Variants in IL1RAPL1 observed in about 807,000 individuals in gnomAD.
The protein encoded by IL1RAPL1 is interleukin-1 receptor accessory protein-like 1.
Under a neutral mutation model 48.4 loss-of-function variants are expected in IL1RAPL1, and 3 were observed. That is an observed-to-expected ratio of 0.06 (90% confidence interval 0.03 to 0.16). IL1RAPL1 has a LOEUF of 0.16. IL1RAPL1 is among the 10% of genes least tolerant of loss of function. The probability of loss-of-function intolerance (pLI) is 1.00; values close to 1 mark genes in which losing one functional copy is unlikely to be tolerated. For synonymous variants in IL1RAPL1, 185 were observed against 187.7 expected (o/e 0.99, Z 0.12); for missense variants, 349 against 530.6 (o/e 0.66, Z 3.36).
chrX:28,931,689 A>C (rs1360036801), intron 2 of IL1RAPL1, among the ~76,000 whole-genome samples: 1 of 111,892 alleles, frequency 8.9e-6, no homozygotes, highest in Non-Finnish European at 1.9e-5. Context: ...TTTATTGCCT[A>C]TAAAAATAAA....
intron 5 of IL1RAPL1, among the ~76,000 whole-genome samples, chrX:29,401,839 C>G (rs1215768783): frequency 9.0e-6 from 1 of 111,082 alleles, no homozygotes; most frequent in Non-Finnish European, 1.9e-5. Context: ...TTCAACAAAA[C>G]AGATCACAGT....
chrX:29,085,198 A>G (rs1377116352), intron 2 of IL1RAPL1, among the ~76,000 whole-genome samples: 1 of 111,476 alleles, frequency 9.0e-6, no homozygotes, highest in Non-Finnish European at 1.9e-5. Context: ...TATTCTAGAG[A>G]ATTTGGAGGA....
At chrX:29,420,702 T>G (rs1258677921) in intron 5 of IL1RAPL1, among the ~76,000 whole-genome samples, 1 of 112,775 alleles carries the variant, frequency 8.9e-6, no homozygotes, top group African/African-American at 3.2e-5. Context: ...TTTGAAATGT[T>G]TAATAAGCAA....
intron 6 of IL1RAPL1, among the ~76,000 whole-genome samples, chrX:29,770,775 T>C (rs191929581): frequency 1.5e-3 from 168 of 112,593 alleles, no homozygotes; most frequent in African/African-American, 5.1e-3. Flanking sequence ...TCACATGCTA[T>C]AGTAATTTTT....
chrX:29,329,694 A>G (rs1381326145), intron 3 of IL1RAPL1, among the ~76,000 whole-genome samples: 1 of 108,965 alleles, frequency 9.2e-6, no homozygotes, highest in Admixed American at 9.9e-5. Context: ...ACGCCTGTAG[A>G]CCCAGATACT....
intron 6 of IL1RAPL1, among the ~76,000 whole-genome samples, chrX:29,785,305 T>G (rs907790080): frequency 4.4e-5 from 5 of 112,377 alleles, no homozygotes; most frequent in Non-Finnish European, 9.4e-5. Flanking sequence ...GAAAAACTAT[T>G]ATACACATGT....
At chrX:28,710,844 T>C (rs1935432594) in intron 1 of IL1RAPL1, among the ~76,000 whole-genome samples, 1 of 112,210 alleles carries the variant, frequency 8.9e-6, no homozygotes, top group African/African-American at 3.2e-5. Context: ...GTACCACACA[T>C]CTAAATTTGG....
At position 29,878,205 on chromosome X, in the gene IL1RAPL1, A is replaced by G. The variant is rs145263886; in HGVS notation, c.779-39259A>G. On this transcript the variant is annotated intron_variant, in intron 6 of 10. Transcript: ENST00000378993. ...AGAGGTCTCAGGGATGCCCTGTCTT[A>G]TAAAGAGCTCTGCACAAACTTAAGC... Among the ~76,000 whole-genome samples, 281 of 111,449 alleles carry G rather than the reference A, an allele frequency of 2.5e-3. 2 individuals are homozygous for G. The highest frequency in any genetic ancestry group is 8.7e-3 in the African/African-American group (266 of 30,717).
chrX:29,001,267 A>C (rs1418400398), intron 2 of IL1RAPL1, among the ~76,000 whole-genome samples: 1 of 112,104 alleles, frequency 8.9e-6, no homozygotes, highest in East Asian at 2.8e-4. Flanking sequence ...TCTGATACAA[A>C]AGACACCCTC....
At chrX:29,582,424 G>C (rs12689519) in intron 5 of IL1RAPL1, among the ~76,000 whole-genome samples, 3 of 86,726 alleles carry the variant, frequency 3.5e-5, no homozygotes, top group Non-Finnish European at 6.6e-5. Flanking sequence ...TTAAGTTTTA[G>C]GGTACATGTG....
intron 2 of IL1RAPL1, among the ~76,000 whole-genome samples, chrX:28,792,516 G>A (rs1182056930): frequency 1.1e-5 from 1 of 93,305 alleles, no homozygotes; most frequent in African/African-American, 3.8e-5. Context: ...GGCCGGGCGC[G>A]TTGGCTCACG....
At chrX:29,759,981 G>A (rs893569051) in intron 6 of IL1RAPL1, among the ~76,000 whole-genome samples, 4 of 111,377 alleles carry the variant, frequency 3.6e-5, no homozygotes, top group Non-Finnish European at 7.5e-5. Flanking sequence ...TTGAAAATGG[G>A]GCAAAGCATA....
intron 2 of IL1RAPL1, among the ~76,000 whole-genome samples, chrX:29,003,912 C>T (rs942032021): frequency 3.6e-5 from 4 of 112,016 alleles, no homozygotes; most frequent in Admixed American, 1.9e-4. Flanking sequence ...GCAGCCAAGG[C>T]AGCTGGATCA....
chrX:29,786,457 G>A (rs1004231992), intron 6 of IL1RAPL1, among the ~76,000 whole-genome samples: 12 of 111,558 alleles, frequency 1.1e-4, no homozygotes, highest in African/African-American at 3.9e-4. Flanking sequence ...TGATAAGTGT[G>A]GAAAGCCTAC....
intron 1 of IL1RAPL1, among the ~76,000 whole-genome samples, chrX:28,735,829 A>G (rs1411735737): frequency 9.0e-6 from 1 of 111,576 alleles, no homozygotes; most frequent in African/African-American, 3.3e-5. Context: ...TAAAAACAAG[A>G]TAAAGTTTCA....
chrX:29,671,865 A>G (rs1410821933), intron 6 of IL1RAPL1, among the ~76,000 whole-genome samples: 1 of 112,117 alleles, frequency 8.9e-6, no homozygotes, highest in Non-Finnish European at 1.9e-5. Context: ...TAATGGTACA[A>G]ATTATATTTT....
At chrX:28,793,422 A>G (rs1281703226) in intron 2 of IL1RAPL1, among the ~76,000 whole-genome samples, 1 of 108,458 alleles carries the variant, frequency 9.2e-6, no homozygotes, top group Non-Finnish European at 1.9e-5. Context: ...CTCTGCTAGT[A>G]TATTTATCTG....
chrX:29,735,715 G>A (rs1225005760), intron 6 of IL1RAPL1, among the ~76,000 whole-genome samples: 2 of 111,002 alleles, frequency 1.8e-5, no homozygotes, highest in Admixed American at 9.5e-5. Flanking sequence ...GGCACAGTAT[G>A]TTTGAGATTT....
At chrX:29,188,726 G>A (rs1000599212) in intron 2 of IL1RAPL1, among the ~76,000 whole-genome samples, 5 of 107,797 alleles carry the variant, frequency 4.6e-5, no homozygotes, top group African/African-American at 1.4e-4. Context: ...AGCTAGGATT[G>A]CAGGTGCCCG....
Sources: gnomAD v4.1 joint callset for allele counts (sites outside exome capture counted in the v4.1 genomes callset) on GRCh38, gnomAD v4.1.1 for gene constraint, MANE v1.5 for transcripts, NCBI Gene and HGNC (gene_info 2026-07-23, HGNC 2026-07-21) for gene names.